The following SERINC5 variants were observed in gnomAD, a reference collection of about 807,000 sequenced individuals.
SERINC5 encodes serine incorporator 5.
In SERINC5, 41 loss-of-function variants were observed where a neutral mutation model predicts 63.1. The observed-to-expected ratio is 0.65, with a 90% CI of 0.51 to 0.84. The LOEUF is 0.84. Ranked by LOEUF, SERINC5 falls within the 40% of genes least tolerant of loss-of-function variation. The pLI, the probability that SERINC5 is intolerant of heterozygous loss-of-function variation, is 0.00. For synonymous variants in SERINC5, 222 were observed against 215.2 expected, an observed-to-expected ratio of 1.03 and a Z score of -0.28; for missense variants, 523 against 573.0, an observed-to-expected ratio of 0.91 and a Z score of 0.89.
intron 2 of SERINC5, among the ~76,000 whole-genome samples, chr5:80,198,957 G>A (rs1749667292): frequency 6.6e-6 from 1 of 152,112 alleles, no homozygotes; most frequent in Non-Finnish European, 1.5e-5. Flanking sequence ...CCCTCTCTCT[G>A]TTCTCTGACT....
At chr5:80,127,371 AAC>A (rs765855631) in intron 11 of SERINC5, among the ~76,000 whole-genome samples, 1 of 152,220 alleles carries the variant, frequency 6.6e-6, no homozygotes, top group Non-Finnish European at 1.5e-5. Flanking sequence ...TCTTCCATGA[AAC>A]CAGCAATATC....
intron 11 of SERINC5, among the ~76,000 whole-genome samples, chr5:80,115,464 T>C (rs989813942): frequency 2.0e-5 from 3 of 152,110 alleles, no homozygotes; most frequent in Non-Finnish European, 2.9e-5. Context: ...GTTTTCAGTA[T>C]ATTTCTCTTC....
At chr5:80,183,063 T>C (rs1025448417) in intron 2 of SERINC5, among the ~76,000 whole-genome samples, 1 of 152,018 alleles carries the variant, frequency 6.6e-6, no homozygotes, top group Admixed American at 6.6e-5. Flanking sequence ...CTAGAACACC[T>C]TTGGCTACAA....
chr5:80,197,737 A>C lies in SERINC5; in HGVS notation c.195+5149T>G, dbSNP rs371755005. ...CCCATGTGGCTTCCCAGGGTGCCTAAATCTGAATCTTCCTCAAACACAGAC... is the reference window on the plus strand; with the variant it reads ...CCCATGTGGCTTCCCAGGGTGCCTACATCTGAATCTTCCTCAAACACAGAC... On this transcript the variant is annotated intron_variant, in intron 2 of 11. Coordinates refer to ENST00000507668, the MANE Select transcript of SERINC5 (RefSeq NM_001174072.3). 3.9e-5 allele frequency among the ~76,000 whole-genome samples: 6 copies of C among 152,246 alleles called. No individual in the cohort carries two copies. The East Asian group carries it at 9.7e-4, about 25-fold the overall frequency.
chr5:80,232,709 A>G (rs10064120), intron 1 of SERINC5, among the ~76,000 whole-genome samples: 75,868 of 151,328 alleles, frequency 0.5, 19,428 homozygotes, highest in African/African-American at 0.6. Context: ...ACTTGAACCC[A>G]GGAGGCAGAG....
chr5:80,137,931 C>G (rs1196126545), downstream of SERINC5, among the ~76,000 whole-genome samples: 2 of 151,810 alleles, frequency 1.3e-5, no homozygotes, highest in South Asian at 4.1e-4. Flanking sequence ...GAGTGAGACT[C>G]TGTCTCAAAA....
At chr5:80,154,598 C>A (rs545385152) in intron 8 of SERINC5, among the ~76,000 whole-genome samples, 1 of 151,868 alleles carries the variant, frequency 6.6e-6, no homozygotes, top group Admixed American at 6.6e-5. Context: ...ATTTCCCCAC[C>A]CCCCCATAAA....
chr5:80,256,038 A>T lies in SERINC5; in HGVS notation c.-116T>A, dbSNP rs1752675462. 3 of 1,145,192 alleles carry T rather than the reference A, an allele frequency of 2.6e-6. No individual in the cohort carries two copies. The highest frequency in any genetic ancestry group is 3.5e-6 in the Non-Finnish European group (3 of 859,964). 70.9% of individuals were successfully genotyped at this position (1,145,192 alleles called of 1,614,324 possible). A position where few individuals can be genotyped will look rare whatever the true frequency, so the allele number is the denominator to read the frequency against. On this transcript the variant is annotated 5_prime_UTR_variant, in exon 1 of 12. Transcript: ENST00000507668. Reference sequence around the variant, plus strand: ...CGCAGCTCACACTTGAACGAAGATCAGCCTCGGCGAAGCGCCTAGGCGCCG... The same window carrying T: ...CGCAGCTCACACTTGAACGAAGATCTGCCTCGGCGAAGCGCCTAGGCGCCG...
downstream of SERINC5, among the ~76,000 whole-genome samples, chr5:80,136,727 A>G (rs1209194586): frequency 4.6e-5 from 7 of 152,250 alleles, no homozygotes; most frequent in African/African-American, 7.2e-5. Flanking sequence ...TTCAAGATAT[A>G]TAAGAAACTC....
chr5:80,198,584 C>T (rs1411233477), intron 2 of SERINC5: 1 of 985,316 alleles, frequency 1.0e-6, no homozygotes, highest in East Asian at 1.1e-4. Context: ...GCAGTTCTTT[C>T]TCCTCTTCCA....
chr5:80,253,728 C>T (rs1752525987), intron 1 of SERINC5, among the ~76,000 whole-genome samples: 1 of 152,156 alleles, frequency 6.6e-6, no homozygotes, highest in Non-Finnish European at 1.5e-5. Context: ...TACCACACGG[C>T]CTTCTGACAG....
At chr5:80,137,891 T>C (rs1745279229), downstream of SERINC5, among the ~76,000 whole-genome samples, 2 of 151,962 alleles carry the variant, frequency 1.3e-5, no homozygotes, top group Admixed American at 6.5e-5. Flanking sequence ...AAATAAGCCA[T>C]GATGTCACTG....
At chr5:80,236,063 A>AT (rs1751674146) in intron 1 of SERINC5, among the ~76,000 whole-genome samples, 1 of 152,150 alleles carries the variant, frequency 6.6e-6, no homozygotes, top group Non-Finnish European at 1.5e-5. Context: ...GGATCTACAC[A>AT]TTACTTATTT....
chr5:80,233,723 CAT>C (rs1420130421), intron 1 of SERINC5, among the ~76,000 whole-genome samples: 1 of 150,166 alleles, frequency 6.7e-6, no homozygotes, highest in Non-Finnish European at 1.5e-5. Context: ...GAAATTGCTT[CAT>C]ATGTTTCTTA....
chr5:80,221,327 A>ATG (rs1750895184), intron 1 of SERINC5, among the ~76,000 whole-genome samples: 1 of 152,218 alleles, frequency 6.6e-6, no homozygotes, highest in East Asian at 1.9e-4. Flanking sequence ...CACACACCCA[A>ATG]CAGCCAGCTG....
intron 6 of SERINC5, 76 bp downstream of exon 6, chr5:80,169,259 C>T (rs1448982688): frequency 1.0e-5 from 13 of 1,286,410 alleles, no homozygotes; most frequent in Admixed American, 2.0e-5. Context: ...CAAAACAAAA[C>T]AAAAAAAGCC....
At chr5:80,121,610 G>A (rs1389448157) in intron 11 of SERINC5, among the ~76,000 whole-genome samples, 6 of 152,110 alleles carry the variant, frequency 3.9e-5, no homozygotes, top group Non-Finnish European at 8.8e-5. Context: ...TAGTCAGTGT[G>A]TTAATCCATT....
intron 11 of SERINC5, among the ~76,000 whole-genome samples, chr5:80,144,771 C>G (rs1458029504): frequency 6.6e-6 from 1 of 152,204 alleles, no homozygotes; most frequent in African/African-American, 2.4e-5. Flanking sequence ...CATAGTCTGT[C>G]TCTCCTGCTG....
At chr5:80,241,573 T>C (rs1182652978) in intron 1 of SERINC5, among the ~76,000 whole-genome samples, 2 of 151,990 alleles carry the variant, frequency 1.3e-5, no homozygotes, top group Non-Finnish European at 2.9e-5. Context: ...GAAGAGGAAA[T>C]GAGCCAGGTT....
Sources: allele counts gnomAD v4.1 joint callset (sites outside exome capture counted in the v4.1 genomes callset), GRCh38; gene constraint gnomAD v4.1.1; transcripts MANE v1.5; gene names NCBI Gene and HGNC (gene_info 2026-07-23, HGNC 2026-07-21).